TNNI3K: variants seen among roughly 807,000 people sequenced by gnomAD.
TNNI3K encodes TNNI3 interacting kinase, also known as serine/threonine-protein kinase TNNI3K.
Under a neutral mutation model 114.5 loss-of-function variants are expected in TNNI3K, and 140 were observed. That is an observed-to-expected ratio of 1.22 (90% CI 1.07 to 1.41). The LOEUF is 1.41. TNNI3K is among the 40% of genes most tolerant of loss of function. The probability of loss-of-function intolerance (pLI) is 0.00; values close to 1 mark genes in which losing one functional copy is unlikely to be tolerated. For synonymous variants in TNNI3K, 347 were observed against 347.5 expected (o/e 1.00, Z 0.02); for missense variants, 1,125 against 1,007.6 (o/e 1.12, Z -1.58).
intron 17 of TNNI3K, among the ~76,000 whole-genome samples, chr1:74,412,083 G>GT (rs1664907021): frequency 6.6e-6 from 1 of 152,118 alleles, no homozygotes; most frequent in East Asian, 1.9e-4. Context: ...TAGCAACACA[G>GT]ATTAGATAAA....
At chr1:74,358,390 T>C (rs1235453609) in intron 11 of TNNI3K, among the ~76,000 whole-genome samples, 1 of 152,104 alleles carries the variant, frequency 6.6e-6, no homozygotes, top group Non-Finnish European at 1.5e-5. Context: ...TTCATTCCTT[T>C]TGACAAGTGT....
intron 9 of TNNI3K, among the ~76,000 whole-genome samples, chr1:74,345,301 A>G (rs1015890042): frequency 8.5e-5 from 13 of 152,134 alleles, no homozygotes; most frequent in Non-Finnish European, 1.6e-4. Context: ...TATTGGTGCT[A>G]CTGGGGACAT....
intron 17 of TNNI3K, among the ~76,000 whole-genome samples, chr1:74,379,623 A>C (rs1329494306): frequency 6.6e-6 from 1 of 151,998 alleles, no homozygotes; most frequent in Non-Finnish European, 1.5e-5. Flanking sequence ...GTTCTCTCTG[A>C]CTCAAGTTTC....
intron 23 of TNNI3K, among the ~76,000 whole-genome samples, chr1:74,495,917 C>A (rs765392121): frequency 6.6e-6 from 1 of 152,220 alleles, no homozygotes; most frequent in African/African-American, 2.4e-5. Context: ...GTGAGAACAG[C>A]GATCAATAGG....
At chr1:74,513,730 A>AT (rs1439887811) in intron 23 of TNNI3K, among the ~76,000 whole-genome samples, 1 of 152,198 alleles carries the variant, frequency 6.6e-6, no homozygotes, top group Non-Finnish European at 1.5e-5. Flanking sequence ...AGAGAGAAAT[A>AT]TTTTTTGGAA....
chr1:74,241,308 C>T (rs1379375899), intron 2 of TNNI3K, among the ~76,000 whole-genome samples: 1 of 152,196 alleles, frequency 6.6e-6, no homozygotes, highest in Non-Finnish European at 1.5e-5. Flanking sequence ...AATGGGATGG[C>T]TGAGTCAAAT....
At chr1:74,317,828 C>T (rs1446253764) in intron 5 of TNNI3K, among the ~76,000 whole-genome samples, 1 of 152,198 alleles carries the variant, frequency 6.6e-6, no homozygotes, top group East Asian at 1.9e-4. Context: ...CTCTGTTGGT[C>T]CATTTCCCAA....
At chr1:74,519,797 A>C (rs1162101890) in intron 23 of TNNI3K, among the ~76,000 whole-genome samples, 4 of 152,156 alleles carry the variant, frequency 2.6e-5, no homozygotes, top group African/African-American at 9.7e-5. Flanking sequence ...CAAAGCTTTA[A>C]GTTTATAATG....
At chr1:74,424,861 G>A (rs1174430632) in intron 17 of TNNI3K, among the ~76,000 whole-genome samples, 1 of 152,016 alleles carries the variant, frequency 6.6e-6, no homozygotes, top group Admixed American at 6.6e-5. Context: ...GATTGTAGGG[G>A]ACAAATGATA....
chr1:74,347,390 T>C (rs1056714127), intron 9 of TNNI3K, among the ~76,000 whole-genome samples: 12 of 152,008 alleles, frequency 7.9e-5, no homozygotes, highest in East Asian at 3.9e-4. Context: ...TTTCTTAATC[T>C]AGTCTATCAT....
intron 17 of TNNI3K, among the ~76,000 whole-genome samples, chr1:74,395,634 G>A (rs1195131941): frequency 6.6e-6 from 1 of 152,186 alleles, no homozygotes; most frequent in Non-Finnish European, 1.5e-5. Context: ...CGAAGCGAGT[G>A]CAGAGTCCCA....
chr1:74,451,066 G>A (rs575882736), intron 20 of TNNI3K, among the ~76,000 whole-genome samples: 1 of 152,264 alleles, frequency 6.6e-6, no homozygotes, highest in East Asian at 1.9e-4. Flanking sequence ...ATATTATGCT[G>A]CCATAAAAAG....
At chr1:74,253,169 A>C (rs904208445) in intron 4 of TNNI3K, among the ~76,000 whole-genome samples, 5 of 152,182 alleles carry the variant, frequency 3.3e-5, no homozygotes, top group Non-Finnish European at 5.9e-5. Context: ...GTGTGTTTAC[A>C]AACGTTGAGC....
At chr1:74,480,838 C>T (rs1466424372) in intron 21 of TNNI3K, 1 of 717,416 alleles carries the variant, frequency 1.4e-6, no homozygotes, top group African/African-American at 1.7e-5. Flanking sequence ...GGGCATCTTC[C>T]TGAACATCCT....
intron 17 of TNNI3K, among the ~76,000 whole-genome samples, chr1:74,409,811 A>T (rs1376716545): frequency 6.6e-6 from 1 of 151,986 alleles, no homozygotes; most frequent in Non-Finnish European, 1.5e-5. Context: ...TATATTTATT[A>T]TTACATTTGT....
Position 74,371,083 on chromosome 1 carries a change from T to C in TNNI3K, c.1772+691T>C, listed in dbSNP as rs905050269. On this transcript the variant is annotated intron_variant, in intron 17 of 24. Transcript: ENST00000326637. ...CCTCTGTGGAAGCCCAAAGGTGCTG[T>C]AGAGAATAGTTGGACAAACACTGAT... The C allele has an allele frequency of 3.3e-5, 5 of 151,816 alleles. No individual in the cohort carries two copies. The East Asian group carries it at 5.8e-4, about 18-fold the overall frequency. 9.4% of individuals were successfully genotyped at this position (151,816 alleles called of 1,614,324 possible). A position where few individuals can be genotyped will look rare whatever the true frequency, so the allele number is the denominator to read the frequency against.
intron 17 of TNNI3K, among the ~76,000 whole-genome samples, chr1:74,393,291 A>T (rs555862992): frequency 6.6e-6 from 1 of 152,068 alleles, no homozygotes; most frequent in East Asian, 1.9e-4. Flanking sequence ...AAAAATGAGC[A>T]TAGAAAGGAT....
At chr1:74,261,742 G>C (rs780482716) in intron 4 of TNNI3K, among the ~76,000 whole-genome samples, 4 of 152,140 alleles carry the variant, frequency 2.6e-5, no homozygotes, top group Non-Finnish European at 4.4e-5. Context: ...TAGTGAGAAA[G>C]AAGTAGCATT....
intron 20 of TNNI3K, among the ~76,000 whole-genome samples, chr1:74,450,988 T>C (rs1666966313): frequency 6.6e-6 from 1 of 152,120 alleles, no homozygotes. Context: ...AGCAAAGAGA[T>C]GGAATCAACC....
Sources: allele counts gnomAD v4.1 joint callset (sites outside exome capture counted in the v4.1 genomes callset), GRCh38; gene constraint gnomAD v4.1.1; transcripts MANE v1.5; gene names NCBI Gene and HGNC (gene_info 2026-07-23, HGNC 2026-07-21).